The following KLF8 variants were observed in gnomAD, a reference collection of about 807,000 sequenced individuals.
KLF8 encodes KLF transcription factor 8, also known as Krueppel-like factor 8.
KLF8 carries 10 observed loss-of-function variants against 18.2 expected under a neutral mutation model. The observed-to-expected ratio is 0.55, with a 90% CI of 0.34 to 0.93. KLF8 has a LOEUF of 0.93. Among genes scored for constraint, KLF8 ranks in the 40% least tolerant of loss-of-function variants. The pLI is 0.02. For synonymous variants in KLF8, 109 were observed against 97.3 expected (o/e 1.12, Z -0.71); for missense variants, 264 against 277.9 (o/e 0.95, Z 0.36).
At chrX:56,057,891 C>T in the KLF8 span, among the ~76,000 whole-genome samples, 1 of 109,045 alleles carries the variant, frequency 9.2e-6, no homozygotes, top group Non-Finnish European at 1.9e-5. Context: ...GCAGGTATCC[C>T]TGCCAACTCG....
At chrX:56,250,383 C>A in intron 2 of KLF8, 79 bp downstream of exon 2, 1 of 726,771 alleles carries the variant, frequency 1.4e-6, no homozygotes, top group Non-Finnish European at 2.1e-6. Context: ...AGAATTTAAA[C>A]TCATTTTTCT....
intron 3 of KLF8, chrX:56,269,068 G>C: frequency 1.1e-6 from 1 of 898,421 alleles, no homozygotes; most frequent in Non-Finnish European, 1.4e-6. Context: ...CTGGTAGCTG[G>C]AGATAGAAAG....
chrX:56,205,283 C>G, the KLF8 span, among the ~76,000 whole-genome samples: 1 of 111,765 alleles, frequency 8.9e-6, no homozygotes, highest in Non-Finnish European at 1.9e-5. Context: ...GTCTTTGACC[C>G]TATTAATGAT....
chrX:56,034,771 T>TG, the KLF8 span, among the ~76,000 whole-genome samples: 2 of 84,483 alleles, frequency 2.4e-5, no homozygotes, highest in African/African-American at 1.1e-4. Context: ...TTTTTTTTTT[T>TG]TTGAGATGGA....
chrX:56,072,435 A>G, the KLF8 span, among the ~76,000 whole-genome samples: 2 of 111,839 alleles, frequency 1.8e-5, no homozygotes, highest in East Asian at 5.6e-4. Flanking sequence ...CTATATTTGC[A>G]GTCTTACTAG....
At chrX:56,242,696 T>G (rs771277755) in intron 1 of KLF8, among the ~76,000 whole-genome samples, 6 of 112,122 alleles carry the variant, frequency 5.4e-5, no homozygotes, top group Non-Finnish European at 9.4e-5. Context: ...ATACTAGATT[T>G]CAGTCTTTCT....
the KLF8 span, among the ~76,000 whole-genome samples, chrX:56,089,814 C>T: frequency 9.4e-4 from 106 of 112,474 alleles, no homozygotes; most frequent in Non-Finnish European, 9.8e-4. Context: ...GGACCCCACA[C>T]ATTTCTCAGT....
the KLF8 span, among the ~76,000 whole-genome samples, chrX:55,953,191 G>A: frequency 9.9e-4 from 110 of 111,426 alleles, no homozygotes; most frequent in African/African-American, 3.5e-3. Context: ...TCACATTCTC[G>A]AGGAGTATAT....
chrX:56,001,627 G>C, the KLF8 span, among the ~76,000 whole-genome samples: 1 of 111,874 alleles, frequency 8.9e-6, no homozygotes, highest in Non-Finnish European at 1.9e-5. Flanking sequence ...TTTCTCAAAA[G>C]ACTTATATGC....
At chrX:56,199,144 A>C in the KLF8 span, among the ~76,000 whole-genome samples, 1 of 112,208 alleles carries the variant, frequency 8.9e-6, no homozygotes, top group Non-Finnish European at 1.9e-5. Context: ...CCCTAGAAGA[A>C]AACCTAGGCA....
Position 56,256,780 on chromosome X carries a change from T to A in KLF8, c.81+6476T>A, listed in dbSNP as rs761664916. 2.0e-4 allele frequency among the ~76,000 whole-genome samples: 22 copies of A among 112,245 alleles called. No homozygotes were observed. In the East Asian group the frequency reaches 5.9e-3, roughly 30 times the overall value. ...GTGAAATGGTGTGATCTCAGCTCAC[T>A]GCAACTTCTGTCCCCTGAGTTCAAG... is the stretch of plus-strand genomic sequence containing the variant. On this transcript the variant is annotated intron_variant, in intron 2 of 5. Coordinates refer to ENST00000468660, the MANE Select transcript of KLF8 (RefSeq NM_007250.5).
chrX:56,082,431 C>T, the KLF8 span, among the ~76,000 whole-genome samples: 1 of 108,803 alleles, frequency 9.2e-6, no homozygotes, highest in East Asian at 2.9e-4. Context: ...CTTTCTGCCT[C>T]ATTTTTCTTT....
the KLF8 span, among the ~76,000 whole-genome samples, chrX:56,120,724 A>T: frequency 9.0e-6 from 1 of 111,381 alleles, no homozygotes; most frequent in Non-Finnish European, 1.9e-5. Context: ...AGAGAAAAAG[A>T]GAATATGCCC....
the KLF8 span, among the ~76,000 whole-genome samples, chrX:56,154,789 G>A: frequency 9.0e-6 from 1 of 111,678 alleles, no homozygotes; most frequent in East Asian, 2.8e-4. Context: ...CAACAAGTGG[G>A]CAAAGGATAT....
chrX:56,062,967 C>T, the KLF8 span, among the ~76,000 whole-genome samples: 1 of 110,383 alleles, frequency 9.1e-6, no homozygotes, highest in Non-Finnish European at 1.9e-5. Context: ...GCTATTGATA[C>T]TTGTGTATGC....
At chrX:56,204,172 T>A in the KLF8 span, among the ~76,000 whole-genome samples, 3 of 111,865 alleles carry the variant, frequency 2.7e-5, no homozygotes, top group South Asian at 1.1e-3. Flanking sequence ...GATATATAAT[T>A]TTTTGTGTGG....
At chrX:56,124,226 A>G in the KLF8 span, among the ~76,000 whole-genome samples, 1 of 111,603 alleles carries the variant, frequency 9.0e-6, no homozygotes, top group East Asian at 2.8e-4. Flanking sequence ...ACATTTGTTT[A>G]TTGCTTACAT....
the KLF8 span, among the ~76,000 whole-genome samples, chrX:55,923,168 C>G: frequency 2.7e-5 from 3 of 110,526 alleles, no homozygotes; most frequent in African/African-American, 9.9e-5. Context: ...AAGATCACGT[C>G]CTTTGCAGGG....
the KLF8 span, among the ~76,000 whole-genome samples, chrX:56,144,095 C>T: frequency 8.9e-6 from 1 of 111,986 alleles, no homozygotes; most frequent in South Asian, 3.7e-4. Context: ...AGTTTCTTCA[C>T]CAAATAGTCT....
Sources: gnomAD v4.1 joint callset for allele counts (sites outside exome capture counted in the v4.1 genomes callset) on GRCh38, gnomAD v4.1.1 for gene constraint, MANE v1.5 for transcripts, NCBI Gene and HGNC (gene_info 2026-07-23, HGNC 2026-07-21) for gene names.